Variants in SLC39A14 observed in about 807,000 individuals in gnomAD.
SLC39A14 encodes metal cation symporter ZIP14.
A neutral mutation model predicts 45.5 loss-of-function variants in SLC39A14; 19 were observed. The ratio of observed to expected loss-of-function variants is 0.42; its 90% CI spans 0.29 to 0.61. The LOEUF is 0.61. Ranked by LOEUF, SLC39A14 falls within the 20% of genes least tolerant of loss-of-function variation. The pLI is 0.22. For synonymous variants in SLC39A14, 264 were observed against 251.3 expected, an observed-to-expected ratio of 1.05 and a Z score of -0.48; for missense variants, 447 against 616.5, an observed-to-expected ratio of 0.73 and a Z score of 2.91.
chr8:22,416,332 C>G, intron 7 of SLC39A14, 52 bp downstream of exon 7: 1 of 1,511,226 alleles, frequency 6.6e-7, no homozygotes, highest in Non-Finnish European at 9.2e-7. Flanking sequence ...GTGGTGTAGG[C>G]CCCCTTCCTG....
At chr8:22,428,068 G>A (rs1836413715) in intron 8 of SLC39A14, among the ~76,000 whole-genome samples, 1 of 152,142 alleles carries the variant, frequency 6.6e-6, no homozygotes, top group South Asian at 2.1e-4. Context: ...GGAGGCTGAG[G>A]CGGGTGGATC....
intron 1 of SLC39A14, among the ~76,000 whole-genome samples, chr8:22,388,221 T>C (rs1311425099): frequency 3.3e-5 from 5 of 152,140 alleles, no homozygotes; most frequent in Admixed American, 3.3e-4. Context: ...TGCTGGAGGA[T>C]TGGGGTGGAT....
chr8:22,379,933 AAAAAAAAAAAAAAAG>A (rs934974544), intron 1 of SLC39A14, among the ~76,000 whole-genome samples: 3 of 77,166 alleles, frequency 3.9e-5, no homozygotes, highest in African/African-American at 1.2e-4. Flanking sequence ...ATCTCAAAAA[AAAAAAAAAAAAAAAG>A]AAAAGAAAAG....
chr8:22,402,035 T>A (rs537507627), intron 1 of SLC39A14, among the ~76,000 whole-genome samples: 1 of 152,334 alleles, frequency 6.6e-6, no homozygotes, highest in Admixed American at 6.5e-5. Context: ...TAATTAATTA[T>A]TAATTGTTAA....
At chr8:22,398,734 G>A (rs1301153099) in intron 1 of SLC39A14, 32 of 985,322 alleles carry the variant, frequency 3.2e-5, no homozygotes, top group Admixed American at 1.2e-4. Context: ...TCACAGAAGC[G>A]TCTGTGCAGG....
In SLC39A14 at chr8:22,421,806, T is replaced by G. The variant is rs1836244331; in HGVS notation, c.*2108T>G. 1.0e-6 allele frequency: 1 copy of G among 984,908 alleles called. No homozygotes were observed. Among genetic ancestry groups the G allele is most frequent in the African/African-American group, 1.7e-5 (1 of 57,220 alleles). 61.0% of individuals were successfully genotyped at this position (984,908 alleles called of 1,614,324 possible). A position where few individuals can be genotyped will look rare whatever the true frequency, so the allele number is the denominator to read the frequency against. On this transcript the variant is annotated 3_prime_UTR_variant, in exon 9 of 9. Transcript: ENST00000381237. ...AAGTTAGAGTTAGTGGATTTCTAGT[T>G]TAGGAGAGGAGCTCAAAACTATAAT... is the stretch of plus-strand genomic sequence containing the variant.
chr8:22,402,289 G>A (rs1834917138), intron 1 of SLC39A14, among the ~76,000 whole-genome samples: 1 of 152,144 alleles, frequency 6.6e-6, no homozygotes, highest in South Asian at 2.1e-4. Flanking sequence ...GGAGGCTGAG[G>A]TGGGAGAATG....
chr8:22,382,703 A>T (rs1237086085), intron 1 of SLC39A14, among the ~76,000 whole-genome samples: 1 of 151,946 alleles, frequency 6.6e-6, no homozygotes, highest in Non-Finnish European at 1.5e-5. Flanking sequence ...TAAAACTTAC[A>T]ACCTTGAGGG....
chr8:22,422,305 C>CT lies in SLC39A14; in HGVS notation c.*2609dup, dbSNP rs1212438289. ...TTCTCACTTCACCACCGGCACACAG[C>CT]TTGCCCCTGTCTTTGCCCCCAAAGG... On this transcript the variant is annotated 3_prime_UTR_variant, in exon 9 of 9. Coordinates refer to ENST00000381237, the MANE Select transcript of SLC39A14 (RefSeq NM_001128431.4). 1.0e-6 allele frequency: 1 copy of CT among 985,630 alleles called. No homozygotes were observed. The highest frequency in any genetic ancestry group is 1.2e-6 in the Non-Finnish European group (1 of 829,958). The allele number at this position is 985,630 out of a possible 1,614,324, so 61.1% of individuals were successfully genotyped here. A position where few individuals can be genotyped will look rare whatever the true frequency, so the allele number is the denominator to read the frequency against.
chr8:22,407,375 G>T (rs1053385911), intron 2 of SLC39A14, among the ~76,000 whole-genome samples: 2 of 152,020 alleles, frequency 1.3e-5, no homozygotes, highest in Non-Finnish European at 2.9e-5. Flanking sequence ...CTTTTGTTTT[G>T]TGGGGGATGG....
chr8:22,377,089 T>G (rs964669120), intron 1 of SLC39A14, among the ~76,000 whole-genome samples: 3 of 152,204 alleles, frequency 2.0e-5, no homozygotes, highest in Non-Finnish European at 4.4e-5. Flanking sequence ...ATTTATTTAT[T>G]GGAATTCTTT....
chr8:22,428,705 T>C (rs2132400950), intron 8 of SLC39A14, among the ~76,000 whole-genome samples: 1 of 152,016 alleles, frequency 6.6e-6, no homozygotes, highest in East Asian at 2.0e-4. Flanking sequence ...CCTCCCAAAG[T>C]GCTGGGATTA....
At chr8:22,368,511 ATTTT>A (rs1249839518) in intron 1 of SLC39A14, among the ~76,000 whole-genome samples, 3 of 65,432 alleles carry the variant, frequency 4.6e-5, no homozygotes, top group Admixed American at 2.9e-4. Flanking sequence ...ATTTTATTTT[ATTTT>A]ATTTTATTTT....
intron 1 of SLC39A14, among the ~76,000 whole-genome samples, chr8:22,377,391 C>G (rs900739383): frequency 2.0e-5 from 3 of 152,168 alleles, no homozygotes; most frequent in African/African-American, 4.8e-5. Context: ...GTCCTGCTTT[C>G]CTTTATTGGA....
chr8:22,373,960 A>G (rs976044668), intron 1 of SLC39A14, among the ~76,000 whole-genome samples: 1 of 152,190 alleles, frequency 6.6e-6, no homozygotes, highest in Non-Finnish European at 1.5e-5. Context: ...GGGTTTCGCC[A>G]TGGTGGCCAG....
Position 22,419,865 on chromosome 8 carries a change from C to A in SLC39A14, c.*167C>A. The A allele has an allele frequency of 7.5e-7, 1 of 1,337,162 alleles. No homozygotes were observed. The highest frequency in any genetic ancestry group is 9.5e-7 in the Non-Finnish European group (1 of 1,047,200). The allele number at this position is 1,337,162 out of a possible 1,614,324, so 82.8% of individuals were successfully genotyped here. On this transcript the variant is annotated 3_prime_UTR_variant, in exon 9 of 9. Coordinates refer to ENST00000381237, the MANE Select transcript of SLC39A14 (RefSeq NM_001128431.4). ...TCAGCCGTTTGTAAAATGCTGTATC[C>A]TAGGAATAAGCTGCCCTGGTAACCA...
downstream of SLC39A14, among the ~76,000 whole-genome samples, chr8:22,426,147 C>T (rs909567738): frequency 1.3e-5 from 2 of 152,182 alleles, no homozygotes; most frequent in African/African-American, 4.8e-5. Flanking sequence ...CCACCCTGGC[C>T]TCCCAAAGTG....
intron 2 of SLC39A14, 128 bp downstream of exon 2, chr8:22,405,108 T>G (rs1013041098): frequency 1.3e-6 from 1 of 789,692 alleles, no homozygotes; most frequent in Non-Finnish European, 2.0e-6. Context: ...CAAGTCTCGA[T>G]GATAGAGTGG....
chr8:22,395,944 C>A (rs1030480503), intron 1 of SLC39A14, among the ~76,000 whole-genome samples: 1 of 152,176 alleles, frequency 6.6e-6, no homozygotes, highest in Non-Finnish European at 1.5e-5. Flanking sequence ...TATTTATGAC[C>A]TGTTTTCTGT....
Sources: gnomAD v4.1 joint callset for allele counts (sites outside exome capture counted in the v4.1 genomes callset) on GRCh38, gnomAD v4.1.1 for gene constraint, MANE v1.5 for transcripts, NCBI Gene and HGNC (gene_info 2026-07-23, HGNC 2026-07-21) for gene names.